The following PTPN12 variants were observed in gnomAD, a reference collection of about 807,000 sequenced individuals.
The protein encoded by PTPN12 is tyrosine-protein phosphatase non-receptor type 12.
PTPN12 carries 29 observed loss-of-function variants against 97.6 expected under a neutral mutation model. That is an observed-to-expected ratio of 0.30 (90% CI 0.22 to 0.41). The LOEUF (loss-of-function observed/expected upper bound fraction) is 0.41. Among genes scored for constraint, PTPN12 ranks in the 10% least tolerant of loss-of-function variants. The probability of loss-of-function intolerance (pLI) is 1.00; values close to 1 mark genes in which losing one functional copy is unlikely to be tolerated. For missense variants in PTPN12, 819 were observed against 926.0 expected, an observed-to-expected ratio of 0.88 and a Z score of 1.50; for synonymous variants, 327 against 300.4, an observed-to-expected ratio of 1.09 and a Z score of -0.91.
intron 1 of PTPN12, among the ~76,000 whole-genome samples, chr7:77,561,861 G>T (rs1205635762): frequency 6.6e-6 from 1 of 151,350 alleles, no homozygotes; most frequent in African/African-American, 2.4e-5. Context: ...GCACGATCTC[G>T]GCTCACTGCA....
At chr7:77,622,191 G>A (rs1186024315) in intron 12 of PTPN12, among the ~76,000 whole-genome samples, 1 of 152,184 alleles carries the variant, frequency 6.6e-6, no homozygotes, top group Non-Finnish European at 1.5e-5. Flanking sequence ...TTGGGCTCAA[G>A]GGATCCACCC....
chr7:77,607,407 T>A (rs1788409651), intron 9 of PTPN12, 106 bp downstream of exon 9: 1 of 866,698 alleles, frequency 1.2e-6, no homozygotes, highest in Non-Finnish European at 1.8e-6. Flanking sequence ...TACATGTTAT[T>A]TTTTCCAAAG....
rs537383526 is a variant in PTPN12, at chr7:77,593,355, C to T, written c.492+1099C>T. On this transcript the variant is annotated intron_variant, in intron 6 of 17. Coordinates refer to ENST00000248594, the MANE Select transcript of PTPN12 (RefSeq NM_002835.4). ...AATAGAATAAGAGTGTGTGTGCATG[C>T]GTCTGTGTGCATGTGTATACATTTA... Among the ~76,000 whole-genome samples the T allele has an allele frequency of 3.3e-5, 5 of 151,966 alleles. No individual in the cohort carries two copies. In the South Asian group the frequency reaches 6.2e-4, roughly 19 times the overall value.
intron 5 of PTPN12, among the ~76,000 whole-genome samples, chr7:77,587,541 G>A (rs922271747): frequency 6.6e-6 from 1 of 152,238 alleles, no homozygotes; most frequent in Non-Finnish European, 1.5e-5. Flanking sequence ...AGGACAGACA[G>A]AGTACATTTG....
Position 77,540,368 on chromosome 7 carries a change from G to C in PTPN12, c.99+2723G>C, listed in dbSNP as rs567345290. 4.0e-5 allele frequency among the ~76,000 whole-genome samples: 6 copies of C among 151,858 alleles called. No individual in the cohort carries two copies. The South Asian group carries it at 1.2e-3, about 32-fold the overall frequency. On this transcript the variant is annotated intron_variant, in intron 1 of 17. Coordinates refer to ENST00000248594, the MANE Select transcript of PTPN12 (RefSeq NM_002835.4). ...TTCTCCTGCCTCAGCCTCCTGAGTA[G>C]CTGAGATTACAGGCGCATGCCACCA...
Position 77,635,810 on chromosome 7 carries a change from A to C in PTPN12, c.2103A>C (p.Glu701Asp). Residue 701 changes from glutamate to aspartate, a missense_variant, in exon 15 of 18, where the codon GAA (glutamate) becomes GAC (aspartate). Glu to Asp is a conservative substitution (Grantham distance 45). Transcript: ENST00000248594. Reference sequence around the variant, plus strand: ...CACCTGTAAGATCGGAATGGAGTGAACTTCAAAGTCAGGAACGATCTGAAC... The same window carrying C: ...CACCTGTAAGATCGGAATGGAGTGACCTTCAAAGTCAGGAACGATCTGAAC... ...HNTPVRSEWS[E>D]LQSQERSEQK... The C allele has an allele frequency of 1.2e-6, 2 of 1,608,548 alleles. No homozygotes were observed. Among genetic ancestry groups the C allele is most frequent in the Non-Finnish European group, 1.7e-6 (2 of 1,177,688 alleles).
intron 8 of PTPN12, among the ~76,000 whole-genome samples, chr7:77,601,386 A>G (rs1236566901): frequency 6.6e-6 from 1 of 152,008 alleles, no homozygotes; most frequent in Non-Finnish European, 1.5e-5. Flanking sequence ...AATTTTTTTT[A>G]AGAGACCAAG....
intron 1 of PTPN12, among the ~76,000 whole-genome samples, chr7:77,567,359 A>G (rs1277202908): frequency 6.6e-6 from 1 of 152,188 alleles, no homozygotes; most frequent in Non-Finnish European, 1.5e-5. Context: ...TATAAAGGTA[A>G]AACAATTCAG....
rs1026867029 is a variant in PTPN12 at position 77,639,135 on chromosome 7, A to G, written c.2282-84A>G. The G allele has an allele frequency of 9.1e-6, 10 of 1,098,610 alleles. No homozygotes were observed. In the African/African-American group the frequency reaches 1.4e-4, roughly 16 times the overall value. 68.1% of individuals were successfully genotyped at this position (1,098,610 alleles called of 1,614,324 possible). A position where few individuals can be genotyped will look rare whatever the true frequency, so the allele number is the denominator to read the frequency against. On this transcript the variant is annotated intron_variant, in intron 17 of 17. Coordinates refer to ENST00000248594, the MANE Select transcript of PTPN12 (RefSeq NM_002835.4). Reference sequence around the variant, plus strand: ...TTGTGGAAATTTATTTGTTCCAGAAAATGAGAATGTCTGTGGACATGGTTT... The same window carrying G: ...TTGTGGAAATTTATTTGTTCCAGAAGATGAGAATGTCTGTGGACATGGTTT...
At chr7:77,627,787 C>A in intron 13 of PTPN12, 112 bp downstream of exon 13, 1 of 1,076,510 alleles carries the variant, frequency 9.3e-7, no homozygotes, top group Non-Finnish European at 1.2e-6. Context: ...ACCATAGAAC[C>A]TACAGCAAAA....
At chr7:77,553,700 A>G (rs1421603436) in intron 1 of PTPN12, among the ~76,000 whole-genome samples, 1 of 152,232 alleles carries the variant, frequency 6.6e-6, no homozygotes, top group Non-Finnish European at 1.5e-5. Context: ...TCTTGTAGAC[A>G]GCATATAGTT....
intron 12 of PTPN12, among the ~76,000 whole-genome samples, chr7:77,620,986 GCATAGTGGCTCACGCCTGTAGTCC>G (rs1788913300): frequency 1.3e-5 from 2 of 152,124 alleles, no homozygotes; most frequent in South Asian, 4.1e-4. Context: ...TGTTGGCTGG[GCATAGTGGCTCACGCCTGTAGTCC>G]CAACATTTTG....
chr7:77,585,756 T>G (rs935294236), intron 5 of PTPN12, among the ~76,000 whole-genome samples, 175 bp downstream of exon 5: 2 of 152,218 alleles, frequency 1.3e-5, no homozygotes, highest in Non-Finnish European at 2.9e-5. Context: ...TGTTGTTTTC[T>G]TTTATATTTT....
At chr7:77,545,969 G>A (rs1486712113) in intron 1 of PTPN12, among the ~76,000 whole-genome samples, 1 of 151,856 alleles carries the variant, frequency 6.6e-6, no homozygotes, top group Non-Finnish European at 1.5e-5. Flanking sequence ...GTCTTGCTTT[G>A]TTGCCAGGCT....
chr7:77,590,959 C>A (rs1018612502), intron 5 of PTPN12, among the ~76,000 whole-genome samples: 1 of 152,028 alleles, frequency 6.6e-6, no homozygotes, highest in African/African-American at 2.4e-5. Flanking sequence ...ATCACTTGAG[C>A]CCAGAAGGTA....
At chr7:77,625,967 A>C (rs978379746) in intron 12 of PTPN12, among the ~76,000 whole-genome samples, 14 of 152,306 alleles carry the variant, frequency 9.2e-5, no homozygotes, top group Admixed American at 7.2e-4. Flanking sequence ...CCTGGGAAAC[A>C]GGAGAATCTG....
At position 77,608,035 on chromosome 7, in the gene PTPN12, G is replaced by A. The variant is rs11763889; in HGVS notation, c.762+734G>A. On this transcript the variant is annotated intron_variant, in intron 9 of 17. Transcript: ENST00000248594. ...CTTCCAAAGTGCCGGGATTGTAGGCGTGAGCTACGGTGCCTGGCCCATTGC... is the reference window on the plus strand; with the variant it reads ...CTTCCAAAGTGCCGGGATTGTAGGCATGAGCTACGGTGCCTGGCCCATTGC... 5.6e-3 allele frequency among the ~76,000 whole-genome samples: 850 copies of A among 152,314 alleles called. 7 individuals carry two copies. The highest frequency in any genetic ancestry group is 8.4e-3 in the Non-Finnish European group (572 of 68,026).
chr7:77,606,646 A>G (rs1327804632), intron 8 of PTPN12, among the ~76,000 whole-genome samples: 1 of 152,254 alleles, frequency 6.6e-6, no homozygotes, highest in Non-Finnish European at 1.5e-5. Context: ...AGTTACTCAT[A>G]GTTCAAAAAT....
chr7:77,623,934 G>A (rs140564078), intron 12 of PTPN12, among the ~76,000 whole-genome samples: 7,246 of 151,834 alleles, frequency 0.048, 261 homozygotes, highest in Non-Finnish European at 0.076. Context: ...GTTTTAGATC[G>A]CAAAAATTTG....
Sources: allele counts gnomAD v4.1 joint callset (sites outside exome capture counted in the v4.1 genomes callset), GRCh38; gene constraint gnomAD v4.1.1; transcripts MANE v1.5; gene names NCBI Gene and HGNC (gene_info 2026-07-23, HGNC 2026-07-21).